The following SENP1 variants were observed in gnomAD, a reference collection of about 807,000 sequenced individuals.
The protein encoded by SENP1 is SUMO specific peptidase 1.
In SENP1, 21 loss-of-function variants were observed where a neutral mutation model predicts 93.0. That is an observed-to-expected ratio of 0.23 (90% CI 0.16 to 0.33). SENP1 has a LOEUF of 0.33. Among genes scored for constraint, SENP1 ranks in the 10% least tolerant of loss-of-function variants. The pLI, the probability that SENP1 is intolerant of heterozygous loss-of-function variation, is 1.00. For missense variants in SENP1, 591 were observed against 758.7 expected (o/e 0.78, Z 2.60); for synonymous variants, 256 against 259.6 (o/e 0.99, Z 0.13).
At chr12:48,062,497 A>G (rs930255672) in intron 13 of SENP1, among the ~76,000 whole-genome samples, 1 of 152,198 alleles carries the variant, frequency 6.6e-6, no homozygotes, top group Non-Finnish European at 1.5e-5. Flanking sequence ...TGAAATTTTT[A>G]TCTTATAAAC....
intron 4 of SENP1, among the ~76,000 whole-genome samples, chr12:48,095,407 G>A (rs1054673658): frequency 6.6e-6 from 1 of 151,812 alleles, no homozygotes; most frequent in Admixed American, 6.6e-5. Context: ...GTGGTGGTGG[G>A]TGTCTGCAAT....
At chr12:48,084,919 C>T (rs777093398) in intron 5 of SENP1, 6 of 497,550 alleles carry the variant, frequency 1.2e-5, no homozygotes, top group Non-Finnish European at 1.8e-5. Flanking sequence ...TACATGTGGT[C>T]TGAATCCAAA....
chr12:48,070,220 G>A (rs545389177), intron 9 of SENP1, among the ~76,000 whole-genome samples: 6 of 152,122 alleles, frequency 3.9e-5, no homozygotes, highest in Non-Finnish European at 7.4e-5. Context: ...TATTGTATTT[G>A]CAAACTGAAA....
intron 14 of SENP1, 66 bp downstream of exon 14, chr12:48,048,863 C>G: frequency 8.2e-7 from 1 of 1,222,624 alleles, no homozygotes; most frequent in East Asian, 2.5e-5. Flanking sequence ...CTACTACTCA[C>G]TACCCTCTGT....
intron 4 of SENP1, among the ~76,000 whole-genome samples, chr12:48,095,884 T>C: frequency 6.6e-6 from 1 of 152,066 alleles, no homozygotes; most frequent in East Asian, 1.9e-4. Context: ...CTGTGGCAGG[T>C]GCTAGACAGA....
At chr12:48,061,355 A>T (rs1276120629) in intron 13 of SENP1, among the ~76,000 whole-genome samples, 1 of 152,218 alleles carries the variant, frequency 6.6e-6, no homozygotes, top group Non-Finnish European at 1.5e-5. Context: ...GATTGAACAG[A>T]GGACAAATCA....
Position 48,063,748 on chromosome 12 carries a change from T to C in SENP1, c.1369A>G (p.Ile457Val). ...AFRLTITRKD[I>V]QTLNHLNWLN... ...CAATTCAGATGGTTTAGAGTTTGAA[T>C]ATCTTTGCGTGTAATGGTCAGGCGA... Residue 457 changes from isoleucine (I) to valine (V), a missense_variant, in exon 13 of 18, where the codon ATT (isoleucine) becomes GTT (valine). Coordinates refer to ENST00000549518, the MANE Select transcript of SENP1 (RefSeq NM_001267594.2). 6.2e-7 allele frequency: 1 copy of C among 1,613,472 alleles called. No homozygotes were observed. Among genetic ancestry groups the C allele is most frequent in the South Asian group, 1.1e-5 (1 of 91,050 alleles).
At chr12:48,089,685 T>C (rs1392759992) in intron 4 of SENP1, among the ~76,000 whole-genome samples, 2 of 152,232 alleles carry the variant, frequency 1.3e-5, no homozygotes, top group Non-Finnish European at 1.5e-5. Flanking sequence ...CTAGGAGTGG[T>C]AGAATAATTT....
At chr12:48,105,571 A>C in intron 1 of SENP1, 1 of 490,310 alleles carries the variant, frequency 2.0e-6, no homozygotes, top group Non-Finnish European at 4.1e-6. Context: ...ACGCAGAAGT[A>C]GTCAAGAAAT....
intron 15 of SENP1, 80 bp downstream of exon 15, chr12:48,047,920 AT>A: frequency 2.4e-6 from 2 of 849,300 alleles, no homozygotes. Flanking sequence ...CATTGAAGGT[AT>A]CAAACAACTG....
intron 17 of SENP1, among the ~76,000 whole-genome samples, chr12:48,046,133 C>T (rs896917203): frequency 1.3e-5 from 2 of 152,196 alleles, no homozygotes; most frequent in African/African-American, 4.8e-5. Flanking sequence ...GAAACCTTTA[C>T]TACAATAACT....
chr12:48,098,550 G>A (rs1945712809), intron 2 of SENP1, among the ~76,000 whole-genome samples: 1 of 151,834 alleles, frequency 6.6e-6, no homozygotes, highest in African/African-American at 2.4e-5. Flanking sequence ...GGCTGAGGCA[G>A]GAGAATTGCT....
chr12:48,098,429 G>A (rs977932553), intron 2 of SENP1, among the ~76,000 whole-genome samples: 3 of 151,652 alleles, frequency 2.0e-5, no homozygotes, highest in Admixed American at 2.0e-4. Context: ...TGGATCACGG[G>A]GTCAGGAGTT....
At chr12:48,102,560 G>A (rs951771384) in intron 1 of SENP1, among the ~76,000 whole-genome samples, 1 of 151,620 alleles carries the variant, frequency 6.6e-6, no homozygotes, top group African/African-American at 2.4e-5. Flanking sequence ...ACTAGGGATG[G>A]TAATAGTCAC....
Position 48,074,389 on chromosome 12 carries a change from G to A in SENP1, c.875C>T (p.Pro292Leu). Residue 292 changes from proline (P) to leucine (L), a missense_variant, in exon 8 of 18, where the codon CCC becomes CTC. Physicochemically the swap from Pro to Leu is moderately conservative, Grantham distance 98 (BLOSUM62 -3). This residue lies in a region of SENP1 where 238 missense variants were observed against 259.1 expected (regional missense o/e 0.92). Transcript: ENST00000549518. ...GSKDSGTLHH[P>L]HHHHSVPHQP... is the part of the protein sequence containing the mutation. ...ATGTGGAACAGAGTGGTGATGATGG[G>A]GATGATGAAGAGTACCAGAATCTTT... The A allele has an allele frequency of 6.2e-7, 1 of 1,613,730 alleles. No individual in the cohort carries two copies. Among genetic ancestry groups the A allele is most frequent in the East Asian group, 2.2e-5 (1 of 44,850 alleles).
chr12:48,102,298 G>C (rs1050692146), intron 1 of SENP1, among the ~76,000 whole-genome samples: 73 of 152,102 alleles, frequency 4.8e-4, no homozygotes, highest in African/African-American at 1.7e-3. Context: ...CAGGTGTGGT[G>C]ATACGTGCCT....
Position 48,083,725 on chromosome 12 carries a change from G to T in SENP1, c.418C>A (p.His140Asn). ...TTTTCATATGCAGATACATGGCAGT[G>T]ATGGTTTGACTTTCCCGCAAAACTG... ...SNSFAGKSNH[H>N]CHVSAYEKSF... is the part of the protein sequence containing the mutation. Residue 140 changes from histidine to asparagine, a missense_variant, in exon 6 of 18, where the codon CAC (histidine) becomes AAC (asparagine). His to Asn is a moderately conservative substitution (Grantham distance 68). Around this residue, in one of 4 missense-constraint regions of SENP1, gnomAD observed 214 missense variants for 243.4 expected, o/e 0.88. Transcript: ENST00000549518. 6.2e-7 allele frequency: 1 copy of T among 1,612,486 alleles called. No individual in the cohort carries two copies. Among genetic ancestry groups the T allele is most frequent in the South Asian group, 1.1e-5 (1 of 90,460 alleles).
intron 1 of SENP1, chr12:48,105,683 G>C: frequency 4.5e-6 from 2 of 446,332 alleles, no homozygotes; most frequent in Non-Finnish European, 4.2e-6. Context: ...AGCTCTGGCG[G>C]GAAAGCCCCG....
In SENP1 at chr12:48,085,205, C is replaced by T. The variant is rs1167044376; in HGVS notation, c.381-1443G>A. 5.3e-6 allele frequency: 8 copies of T among 1,499,490 alleles called. No individual in the cohort carries two copies. In the East Asian group the frequency reaches 1.4e-4, roughly 25 times the overall value. The allele number at this position is 1,499,490 out of a possible 1,614,324, so 92.9% of individuals were successfully genotyped here. A position where few individuals can be genotyped will look rare whatever the true frequency, so the allele number is the denominator to read the frequency against. ...AGAAGGATACGACCATCAATGAGAT[C>T]GAAGACACTTTCCGGCAATTTCTAA... is the stretch of plus-strand genomic sequence containing the variant. On this transcript the variant is annotated intron_variant, in intron 5 of 17. Coordinates refer to ENST00000549518, the MANE Select transcript of SENP1 (RefSeq NM_001267594.2).
Sources: allele counts gnomAD v4.1 joint callset (sites outside exome capture counted in the v4.1 genomes callset), GRCh38; gene constraint gnomAD v4.1.1; regional missense constraint gnomAD v4.1.1; transcripts MANE v1.5; gene names NCBI Gene and HGNC (gene_info 2026-07-23, HGNC 2026-07-21).